Variants in ANO3 observed in about 807,000 individuals in gnomAD.
ANO3 encodes the protein anoctamin 3, also known as anoctamin-3.
ANO3 carries 99 observed loss-of-function variants against 144.8 expected under a neutral mutation model. The ratio of observed to expected loss-of-function variants is 0.68; its 90% confidence interval spans 0.58 to 0.81. The LOEUF is 0.81. Ranked by LOEUF, ANO3 falls within the 30% of genes least tolerant of loss-of-function variation. The pLI is 0.00. For synonymous variants in ANO3, 414 were observed against 392.6 expected (o/e 1.05, Z -0.64); for missense variants, 905 against 1,202.2 (o/e 0.75, Z 3.66).
At chr11:26,402,113 C>T (rs968223780) in intron 1 of ANO3, among the ~76,000 whole-genome samples, 2 of 151,882 alleles carry the variant, frequency 1.3e-5, no homozygotes, top group Non-Finnish European at 2.9e-5. Context: ...CATACACATG[C>T]GTATGTCTTT....
At position 26,265,712 on chromosome 11, in the gene ANO3, G is replaced by A. The variant is rs574573186; in HGVS notation, c.155-43933G>A. ...AGGTTAGTAACCCTTTCTAGCACACGTAATGGTGGCTCAAGACTTGAGCTA... is the reference window on the plus strand; with the variant it reads ...AGGTTAGTAACCCTTTCTAGCACACATAATGGTGGCTCAAGACTTGAGCTA... On this transcript the variant is annotated intron_variant, in intron 1 of 27. Coordinates refer to the ANO3 transcript ENST00000672621. Among the ~76,000 whole-genome samples, 19 of 152,224 alleles carry A rather than the reference G, an allele frequency of 1.2e-4. No homozygotes were observed. The East Asian group carries it at 2.9e-3, about 23-fold the overall frequency.
intron 3 of ANO3, among the ~76,000 whole-genome samples, chr11:26,455,624 T>C (rs1347152786): frequency 6.6e-6 from 1 of 152,096 alleles, no homozygotes; most frequent in Non-Finnish European, 1.5e-5. Flanking sequence ...GAAGAATCAA[T>C]ATTGTGAAAA....
intron 18 of ANO3, among the ~76,000 whole-genome samples, chr11:26,628,476 C>A (rs1852664609): frequency 6.6e-6 from 1 of 152,162 alleles, no homozygotes; most frequent in African/African-American, 2.4e-5. Flanking sequence ...AGAAACAGCA[C>A]CTATATCCTT....
chr11:26,343,420 A>C (rs1350900367), intron 1 of ANO3, among the ~76,000 whole-genome samples: 1 of 152,192 alleles, frequency 6.6e-6, no homozygotes, highest in Non-Finnish European at 1.5e-5. Flanking sequence ...AGAAATGGGA[A>C]TGCTGGATCA....
At chr11:26,646,781 A>C (rs2133072379) in intron 23 of ANO3, among the ~76,000 whole-genome samples, 1 of 152,226 alleles carries the variant, frequency 6.6e-6, no homozygotes, top group East Asian at 1.9e-4. Flanking sequence ...TTTGTAAACC[A>C]AATAGTTTCT....
chr11:26,491,278 C>T (rs750733537), intron 4 of ANO3, among the ~76,000 whole-genome samples: 3 of 152,180 alleles, frequency 2.0e-5, no homozygotes, highest in Non-Finnish European at 4.4e-5. Context: ...ATTAGTGAAT[C>T]TATTTTGATA....
intron 7 of ANO3, among the ~76,000 whole-genome samples, chr11:26,527,171 G>A (rs925142518): frequency 3.3e-5 from 5 of 152,034 alleles, no homozygotes; most frequent in African/African-American, 7.2e-5. Context: ...TGGCAAATGC[G>A]TATACTAAAT....
intron 14 of ANO3, among the ~76,000 whole-genome samples, chr11:26,586,503 CTTTTTT>C (rs550057766): frequency 1.2e-5 from 1 of 81,452 alleles, no homozygotes; most frequent in South Asian, 4.3e-4. Context: ...TGGTGAGAAT[CTTTTTT>C]TTTTTTTTTT....
intron 1 of ANO3, among the ~76,000 whole-genome samples, chr11:26,216,969 T>C (rs1396593052): frequency 6.6e-6 from 1 of 152,072 alleles, no homozygotes; most frequent in Non-Finnish European, 1.5e-5. Context: ...ATACAAGTCC[T>C]TTGTCAGATA....
chr11:26,567,035 T>A, intron 14 of ANO3: 1 of 1,480,982 alleles, frequency 6.8e-7, no homozygotes, highest in Non-Finnish European at 9.0e-7. Flanking sequence ...TACAGTATCA[T>A]CTTATTTGAT....
intron 1 of ANO3, among the ~76,000 whole-genome samples, chr11:26,271,707 T>C (rs1450675663): frequency 7.4e-6 from 1 of 134,694 alleles, no homozygotes; most frequent in Non-Finnish European, 1.8e-5. Context: ...TTTATAATGC[T>C]GCTTTAAGAC....
intron 23 of ANO3, 77 bp downstream of exon 23, chr11:26,643,411 C>A: frequency 6.5e-7 from 1 of 1,542,136 alleles, no homozygotes; most frequent in African/African-American, 1.4e-5. Flanking sequence ...CCCCCAGATT[C>A]ATATGTTGAA....
intron 1 of ANO3, among the ~76,000 whole-genome samples, chr11:26,438,798 A>G (rs1858403292): frequency 6.6e-6 from 1 of 151,424 alleles, no homozygotes; most frequent in African/African-American, 2.4e-5. Context: ...AAAAAAATCA[A>G]TCATAGCTGC....
At chr11:26,459,761 G>A (rs1002913659) in intron 3 of ANO3, among the ~76,000 whole-genome samples, 1 of 152,046 alleles carries the variant, frequency 6.6e-6, no homozygotes, top group Non-Finnish European at 1.5e-5. Flanking sequence ...TTCATGTTAA[G>A]TTAAAAGAAT....
chr11:26,473,910 A>G (rs1168683351), intron 4 of ANO3: 2 of 984,100 alleles, frequency 2.0e-6, no homozygotes, highest in Non-Finnish European at 2.4e-6. Flanking sequence ...AAAAATGATT[A>G]TTCAAACTCT....
intron 14 of ANO3, chr11:26,561,168 T>C (rs775618865): frequency 6.2e-7 from 1 of 1,612,684 alleles, no homozygotes; most frequent in Non-Finnish European, 8.5e-7. Context: ...TGGATTGTAG[T>C]AGCTAGAATT....
At chr11:26,410,814 C>G (rs547572966) in intron 1 of ANO3, among the ~76,000 whole-genome samples, 13 of 151,968 alleles carry the variant, frequency 8.6e-5, no homozygotes, top group Non-Finnish European at 1.9e-4. Flanking sequence ...AATTTTGAAG[C>G]AGAGGAATGA....
rs184734866 is a variant in ANO3, at chr11:26,634,832, G to A, written c.1986-181G>A. On this transcript the variant is annotated intron_variant, in intron 19 of 26. Transcript: ENST00000256737. Reference sequence around the variant, plus strand: ...GTACTTTCTTGACCCATTAGTTCACGCATCACTTTTTCCTTTGTAAGTCAG... The same window carrying A: ...GTACTTTCTTGACCCATTAGTTCACACATCACTTTTTCCTTTGTAAGTCAG... Among the ~76,000 whole-genome samples the A allele has an allele frequency of 6.3e-4, 96 of 152,230 alleles. 3 individuals are homozygous for A. Among genetic ancestry groups the A allele is most frequent in the Non-Finnish European group, 2.1e-4 (14 of 68,022 alleles).
chr11:26,309,732 G>A, intron 1 of ANO3: 1 of 984,106 alleles, frequency 1.0e-6, no homozygotes, highest in South Asian at 4.7e-5. Context: ...GAGTCTTGGG[G>A]ATGGTGTTTC....
Sources: allele counts gnomAD v4.1 joint callset (sites outside exome capture counted in the v4.1 genomes callset), GRCh38; gene constraint gnomAD v4.1.1; transcripts MANE v1.5; gene names NCBI Gene and HGNC (gene_info 2026-07-23, HGNC 2026-07-21).